NEK1: variants seen among roughly 807,000 people sequenced by gnomAD.
The protein encoded by NEK1 is NIMA related kinase 1.
In NEK1, 137 loss-of-function variants were observed where a neutral mutation model predicts 182.1. The observed-to-expected ratio is 0.75, with a 90% CI of 0.65 to 0.87. The LOEUF (loss-of-function observed/expected upper bound fraction) is 0.87, where lower values mean the gene tolerates loss of function less well. Among genes scored for constraint, NEK1 ranks in the 40% least tolerant of loss-of-function variants. NEK1 has a pLI of 0.00. For missense variants in NEK1, 1,391 were observed against 1,494.4 expected (o/e 0.93, Z 1.14); for synonymous variants, 513 against 492.2 (o/e 1.04, Z -0.56).
intron 16 of NEK1, 117 bp from the exon 17 acceptor site, chr4:169,556,212 T>A: frequency 1.1e-6 from 1 of 905,994 alleles, no homozygotes. Context: ...AATTACTTAA[T>A]ATGAACATAC....
At position 169,507,786 on chromosome 4, in the gene NEK1, C is replaced by G. The variant is rs201650019; in HGVS notation, c.1840G>C (p.Ala614Pro). ...KAKLRGEKKE[A>P]NHSEGQEGSE... Reference sequence around the variant, plus strand: ...CCTTCTTGTCCTTCAGAATGATTAGCTTCTTTCTACAAAATAAGTAGATAA... The same window carrying G: ...CCTTCTTGTCCTTCAGAATGATTAGGTTCTTTCTACAAAATAAGTAGATAA... Residue 614 changes from alanine (A) to proline (P), a missense_variant, in exon 22 of 36, where the codon GCT becomes CCT. Physicochemically the swap from Ala to Pro is conservative, Grantham distance 27 (BLOSUM62 -1). Around this residue, in one of 5 missense-constraint regions of NEK1, gnomAD observed 1,216 missense variants for 1,277.6 expected, o/e 0.95. Transcript: ENST00000507142. 6.2e-7 allele frequency: 1 copy of G among 1,611,924 alleles called. No homozygotes were observed. The highest frequency in any genetic ancestry group is 1.3e-5 in the African/African-American group (1 of 74,962).
chr4:169,428,402 T>G (rs1736816161), intron 29 of NEK1, among the ~76,000 whole-genome samples: 1 of 127,544 alleles, frequency 7.8e-6, no homozygotes, highest in African/African-American at 2.7e-5. Context: ...TAAAAAGAAA[T>G]GAAGAAGTGG....
At position 169,587,596 on chromosome 4, in the gene NEK1, C is replaced by T; in HGVS notation, c.569G>A (p.Gly190Glu). 6.5e-7 allele frequency: 1 copy of T among 1,548,604 alleles called. No homozygotes were observed. The highest frequency in any genetic ancestry group is 8.8e-7 in the Non-Finnish European group (1 of 1,142,814). Residue 190 changes from glycine (G) to glutamate (E), a missense_variant, in exon 9 of 36, where the codon GGG (glycine) becomes GAG (glutamate). By Grantham distance (98) the Gly-to-Glu change is moderately conservative. Coordinates refer to ENST00000507142, the MANE Select transcript of NEK1 (RefSeq NM_001199397.3). ...YNNKSDIWAL[G>E]CVLYELCTLK... Reference sequence around the variant, plus strand: ...TGTACACAGCTCATAAAGGACACACCCCAGAGCCCAAATGTCACTGGAGAA... The same window carrying T: ...TGTACACAGCTCATAAAGGACACACTCCAGAGCCCAAATGTCACTGGAGAA...
At chr4:169,485,616 T>C (rs1748899362) in intron 23 of NEK1, among the ~76,000 whole-genome samples, 1 of 151,996 alleles carries the variant, frequency 6.6e-6, no homozygotes, top group South Asian at 2.1e-4. Context: ...GAAAACAATA[T>C]AAAGTTTCAT....
intron 24 of NEK1, among the ~76,000 whole-genome samples, chr4:169,479,195 A>G (rs899975055): frequency 6.6e-6 from 1 of 152,120 alleles, no homozygotes; most frequent in African/African-American, 2.4e-5. Context: ...TTATTGTGAT[A>G]TATTTTCATC....
chr4:169,579,042 C>T (rs574435572), intron 11 of NEK1, among the ~76,000 whole-genome samples: 92 of 152,164 alleles, frequency 6.0e-4, no homozygotes, highest in African/African-American at 2.1e-3. Context: ...GGGCTAGAGG[C>T]GCAAAAGCAT....
At chr4:169,430,632 A>AG (rs1231678267) in intron 29 of NEK1, among the ~76,000 whole-genome samples, 4 of 152,354 alleles carry the variant, frequency 2.6e-5, no homozygotes, top group Non-Finnish European at 4.4e-5. Context: ...GGTGAAGCAC[A>AG]GAGGATTGTA....
chr4:169,548,757 T>C (rs1760940271), intron 18 of NEK1, among the ~76,000 whole-genome samples: 1 of 152,232 alleles, frequency 6.6e-6, no homozygotes, highest in African/African-American at 2.4e-5. Flanking sequence ...CCAGTGGCTT[T>C]GTTTACACCA....
intron 27 of NEK1, among the ~76,000 whole-genome samples, chr4:169,448,698 C>T (rs1028085405): frequency 1.3e-5 from 2 of 152,132 alleles, no homozygotes; most frequent in African/African-American, 4.8e-5. Context: ...TCCAAGATGG[C>T]GGAATAGGAA....
At chr4:169,460,338 T>TA (rs60082117) in intron 27 of NEK1, among the ~76,000 whole-genome samples, 6,691 of 141,558 alleles carry the variant, frequency 0.047, 171 homozygotes, top group South Asian at 0.067. Flanking sequence ...GGTGGCAGGT[T>TA]AAAAAAAAAA....
chr4:169,436,681 G>A lies in NEK1; in HGVS notation c.2764+1402C>T, dbSNP rs1738472171. On this transcript the variant is annotated intron_variant, in intron 28 of 35. Transcript: ENST00000507142. ...TTCTAGGCAACAAATGCTTCTCAAA[G>A]GAAGACATGGCCTCAAGACAAAGAC... is the stretch of plus-strand genomic sequence containing the variant. Among the ~76,000 whole-genome samples the A allele has an allele frequency of 2.0e-5, 3 of 152,364 alleles. No homozygotes were observed. The South Asian group carries it at 6.2e-4, about 32-fold the overall frequency.
At chr4:169,542,906 G>A (rs919724315) in intron 18 of NEK1, among the ~76,000 whole-genome samples, 1 of 152,120 alleles carries the variant, frequency 6.6e-6, no homozygotes, top group Admixed American at 6.5e-5. Context: ...CAGATGAATA[G>A]ATTGCAAAAT....
At chr4:169,524,870 C>G (rs1170443512) in intron 19 of NEK1, among the ~76,000 whole-genome samples, 4 of 152,204 alleles carry the variant, frequency 2.6e-5, no homozygotes, top group African/African-American at 9.6e-5. Flanking sequence ...TTCATGCTTA[C>G]TGATTTACAC....
At chr4:169,429,688 AAGTT>A (rs1400953019) in intron 29 of NEK1, among the ~76,000 whole-genome samples, 1 of 152,142 alleles carries the variant, frequency 6.6e-6, no homozygotes, top group African/African-American at 2.4e-5. Context: ...GTTCTCCACT[AAGTT>A]AGTCTCTCAA....
chr4:169,558,392 T>C (rs1393123597), intron 16 of NEK1, among the ~76,000 whole-genome samples: 1 of 152,222 alleles, frequency 6.6e-6, no homozygotes, highest in East Asian at 1.9e-4. Context: ...ATCAAAAGCA[T>C]ATCCATTACC....
At chr4:169,488,922 A>G (rs1178917557) in intron 23 of NEK1, among the ~76,000 whole-genome samples, 3 of 152,206 alleles carry the variant, frequency 2.0e-5, no homozygotes, top group Non-Finnish European at 4.4e-5. Flanking sequence ...ATTTTTCTAT[A>G]CAATTTAGAT....
In NEK1 at chr4:169,593,766, A is replaced by G. The variant is rs1034083117; in HGVS notation, c.313-2957T>C. 1.2e-4 allele frequency among the ~76,000 whole-genome samples: 18 copies of G among 152,254 alleles called. No individual in the cohort carries two copies. In the South Asian group the frequency reaches 1.5e-3, roughly 12 times the overall value. On this transcript the variant is annotated intron_variant, in intron 5 of 35. Coordinates refer to ENST00000507142, the MANE Select transcript of NEK1 (RefSeq NM_001199397.3). ...CACTTTGGGAGGCCTAGGCGGGCAG[A>G]TCACGAGGTCAGGAGATCGAGACCA...
chr4:169,527,670 C>CA (rs1291321621), intron 19 of NEK1, among the ~76,000 whole-genome samples: 5 of 151,884 alleles, frequency 3.3e-5, no homozygotes, highest in East Asian at 1.9e-4. Flanking sequence ...AAAATATAGT[C>CA]AAAATCACAA....
At chr4:169,607,761 C>T (rs910447773) in intron 2 of NEK1, among the ~76,000 whole-genome samples, 6 of 151,958 alleles carry the variant, frequency 3.9e-5, no homozygotes, top group Non-Finnish European at 8.8e-5. Flanking sequence ...CCGCGCCTGG[C>T]CTCAAAATTT....
Sources: allele counts gnomAD v4.1 joint callset (sites outside exome capture counted in the v4.1 genomes callset), GRCh38; gene constraint gnomAD v4.1.1; regional missense constraint gnomAD v4.1.1; transcripts MANE v1.5; gene names NCBI Gene and HGNC (gene_info 2026-07-23, HGNC 2026-07-21).